Variants in CFAP95 observed in about 807,000 individuals in gnomAD.
The protein encoded by CFAP95 is cilia- and flagella-associated protein 95.
the CFAP95 span, among the ~76,000 whole-genome samples, chr9:69,879,794 C>G: frequency 6.6e-6 from 1 of 152,110 alleles, no homozygotes; most frequent in African/African-American, 2.4e-5. Context: ...CTGATATCTC[C>G]TATTGTTAGG....
the CFAP95 span, among the ~76,000 whole-genome samples, chr9:69,882,180 C>T: frequency 6.6e-6 from 1 of 152,056 alleles, no homozygotes; most frequent in Non-Finnish European, 1.5e-5. Context: ...CTGGGTTTCA[C>T]CATGTTGCCC....
chr9:69,831,766 C>T, the CFAP95 span, among the ~76,000 whole-genome samples: 5 of 152,228 alleles, frequency 3.3e-5, no homozygotes, highest in African/African-American at 9.6e-5. Context: ...AGTTTCCAAC[C>T]GAGAGCAGTA....
At chr9:69,821,770 G>A in the CFAP95 span, among the ~76,000 whole-genome samples, 1 of 151,544 alleles carries the variant, frequency 6.6e-6, no homozygotes. Flanking sequence ...TAATTAGTTG[G>A]CCACATTTAA....
chr9:69,826,878 C>G, the CFAP95 span, among the ~76,000 whole-genome samples: 1 of 152,056 alleles, frequency 6.6e-6, no homozygotes, highest in Non-Finnish European at 1.5e-5. Flanking sequence ...GTACTGCAGG[C>G]TGGGGCCCTA....
chr9:69,868,739 TTTGTAA>T, the CFAP95 span, among the ~76,000 whole-genome samples: 7 of 149,590 alleles, frequency 4.7e-5, no homozygotes, highest in East Asian at 1.4e-3. Flanking sequence ...GGAGAAAATA[TTTGTAA>T]GCATATATCT....
At chr9:69,831,299 T>C in the CFAP95 span, among the ~76,000 whole-genome samples, 1 of 152,176 alleles carries the variant, frequency 6.6e-6, no homozygotes, top group African/African-American at 2.4e-5. Flanking sequence ...AATATAGGAA[T>C]AAATAACTTG....
chr9:69,886,121 C>T, the CFAP95 span, among the ~76,000 whole-genome samples: 33 of 152,318 alleles, frequency 2.2e-4, 1 homozygote, highest in Admixed American at 3.3e-4. Context: ...ACACTGTCTA[C>T]TGTCCCTGGC....
the CFAP95 span, among the ~76,000 whole-genome samples, chr9:69,827,437 C>A: frequency 6.6e-6 from 1 of 152,180 alleles, no homozygotes; most frequent in African/African-American, 2.4e-5. Flanking sequence ...CCAATTAAAG[C>A]TTATCTCTGT....
chr9:69,873,266 A>G, the CFAP95 span, among the ~76,000 whole-genome samples: 1 of 152,184 alleles, frequency 6.6e-6, no homozygotes, highest in Non-Finnish European at 1.5e-5. Flanking sequence ...CACTCTAGCT[A>G]GGGTGACGGA....
chr9:69,891,672 T>A, the CFAP95 span, among the ~76,000 whole-genome samples: 1 of 152,152 alleles, frequency 6.6e-6, no homozygotes, highest in African/African-American at 2.4e-5. Flanking sequence ...TAAAAGCTTT[T>A]TAAAAAGAAA....
chr9:69,841,623 G>A, the CFAP95 span, among the ~76,000 whole-genome samples: 4 of 152,106 alleles, frequency 2.6e-5, no homozygotes, highest in African/African-American at 7.2e-5. Context: ...TGTATTAGTC[G>A]TTCTCATGCT....
the CFAP95 span, among the ~76,000 whole-genome samples, chr9:69,865,962 G>A: frequency 6.6e-6 from 1 of 152,154 alleles, no homozygotes; most frequent in Non-Finnish European, 1.5e-5. Flanking sequence ...GGGAAATACA[G>A]AAGCACAGAG....
the CFAP95 span, chr9:69,844,740 A>G: frequency 1.6e-6 from 1 of 633,612 alleles, no homozygotes; most frequent in African/African-American, 1.9e-5. Flanking sequence ...TGTGTTAGTT[A>G]CTTAGATGAC....
chr9:69,894,452 G>A, the CFAP95 span, among the ~76,000 whole-genome samples: 1 of 152,172 alleles, frequency 6.6e-6, no homozygotes, highest in Non-Finnish European at 1.5e-5. Context: ...GGAAAGGAGG[G>A]AGGACAGAAG....
At chr9:69,837,065 A>G in the CFAP95 span, among the ~76,000 whole-genome samples, 5 of 150,826 alleles carry the variant, frequency 3.3e-5, no homozygotes, top group African/African-American at 1.2e-4. Context: ...TGAACTCATC[A>G]TTTTTTATGG....
chr9:69,867,770 A>C, the CFAP95 span, among the ~76,000 whole-genome samples: 3 of 152,218 alleles, frequency 2.0e-5, no homozygotes, highest in African/African-American at 7.2e-5. Flanking sequence ...ATGGAGGAGA[A>C]TCAAGGCTTG....
At chr9:69,870,285 A>G in the CFAP95 span, among the ~76,000 whole-genome samples, 1 of 152,204 alleles carries the variant, frequency 6.6e-6, no homozygotes, top group Non-Finnish European at 1.5e-5. Flanking sequence ...TGTCTAATGT[A>G]TGAGACAGAA....
chr9:69,879,465 A>G, the CFAP95 span, among the ~76,000 whole-genome samples: 2 of 152,136 alleles, frequency 1.3e-5, no homozygotes, highest in African/African-American at 4.8e-5. Flanking sequence ...TGAATCATGC[A>G]TATTCAGGAG....
chr9:69,852,334 A>G, the CFAP95 span, among the ~76,000 whole-genome samples: 1 of 152,166 alleles, frequency 6.6e-6, no homozygotes, highest in East Asian at 1.9e-4. Flanking sequence ...CATGCAGAAC[A>G]TGCAAATTAT....
Sources: gnomAD v4.1 joint callset for allele counts (sites outside exome capture counted in the v4.1 genomes callset) on GRCh38, gnomAD v4.1.1 for gene constraint, MANE v1.5 for transcripts, NCBI Gene and HGNC (gene_info 2026-07-23, HGNC 2026-07-21) for gene names.